TENM2: variants seen among roughly 807,000 people sequenced by gnomAD.
TENM2 encodes the protein teneurin-2.
Under a neutral mutation model 245.2 loss-of-function variants are expected in TENM2, and 52 were observed. That is an observed-to-expected ratio of 0.21 (90% CI 0.17 to 0.27). The LOEUF (loss-of-function observed/expected upper bound fraction) is 0.27, where lower values mean the gene tolerates loss of function less well. Among genes scored for constraint, TENM2 ranks in the 10% least tolerant of loss-of-function variants. The pLI is 1.00. For missense variants in TENM2, 3,046 were observed against 3,666.8 expected, an observed-to-expected ratio of 0.83 and a Z score of 4.37; for synonymous variants, 1,363 against 1,438.9, an observed-to-expected ratio of 0.95 and a Z score of 1.19.
chr5:167,602,577 G>A (rs1165543601), intron 2 of TENM2, among the ~76,000 whole-genome samples: 1 of 152,182 alleles, frequency 6.6e-6, no homozygotes, highest in Non-Finnish European at 1.5e-5. Context: ...GACTATTTTA[G>A]AAGACTTGCT....
chr5:167,457,287 A>T (rs1765982420), intron 2 of TENM2, among the ~76,000 whole-genome samples: 2 of 11,480 alleles, frequency 1.7e-4, no homozygotes, highest in African/African-American at 7.4e-4. Flanking sequence ...CCTGCTTTTT[A>T]TTTTATTTTA....
chr5:167,657,267 A>G (rs943855715), intron 2 of TENM2, among the ~76,000 whole-genome samples: 1 of 152,204 alleles, frequency 6.6e-6, no homozygotes, highest in African/African-American at 2.4e-5. Context: ...TTCACTCAAG[A>G]TAATATCCTT....
At chr5:167,153,531 C>T in the TENM2 span, among the ~76,000 whole-genome samples, 5 of 151,826 alleles carry the variant, frequency 3.3e-5, no homozygotes, top group Admixed American at 1.3e-4. Flanking sequence ...AGGGGAGACA[C>T]GAGAGGGCAG....
chr5:167,234,442 C>T, the TENM2 span, among the ~76,000 whole-genome samples: 3 of 152,112 alleles, frequency 2.0e-5, no homozygotes, highest in Non-Finnish European at 4.4e-5. Context: ...ATTAAATGGC[C>T]AGACTATGCT....
chr5:167,557,614 C>T (rs991038743), intron 2 of TENM2, among the ~76,000 whole-genome samples: 1 of 152,146 alleles, frequency 6.6e-6, no homozygotes, highest in African/African-American at 2.4e-5. Context: ...ATAATATGAG[C>T]CCGATCCTAG....
At chr5:167,766,800 A>G (rs1020980862) in intron 2 of TENM2, among the ~76,000 whole-genome samples, 2 of 152,094 alleles carry the variant, frequency 1.3e-5, no homozygotes, top group African/African-American at 4.8e-5. Context: ...AATCGGTTGA[A>G]CCTGGGAGGC....
At chr5:167,047,499 G>A in the TENM2 span, among the ~76,000 whole-genome samples, 1 of 88,554 alleles carries the variant, frequency 1.1e-5, no homozygotes, top group Non-Finnish European at 3.8e-5. Context: ...GTGAGAATTA[G>A]AAAGAAAGTT....
intron 2 of TENM2, among the ~76,000 whole-genome samples, chr5:167,608,917 C>T (rs1740109891): frequency 6.6e-6 from 1 of 152,068 alleles, no homozygotes; most frequent in African/African-American, 2.4e-5. Flanking sequence ...GCTGTCATTT[C>T]CTTGTGGCCA....
At chr5:167,002,342 T>G in the TENM2 span, among the ~76,000 whole-genome samples, 1 of 152,308 alleles carries the variant, frequency 6.6e-6, no homozygotes, top group Non-Finnish European at 1.5e-5. Flanking sequence ...TATTTAAAAG[T>G]TTCATCTTGG....
At chr5:167,128,002 G>T in the TENM2 span, among the ~76,000 whole-genome samples, 1 of 152,102 alleles carries the variant, frequency 6.6e-6, no homozygotes, top group Non-Finnish European at 1.5e-5. Flanking sequence ...TCTATAGAAG[G>T]TATTTCAGCA....
intron 2 of TENM2, among the ~76,000 whole-genome samples, chr5:167,456,064 T>C (rs1765904147): frequency 6.6e-6 from 1 of 152,204 alleles, no homozygotes; most frequent in Admixed American, 6.5e-5. Flanking sequence ...CTCTAAATTT[T>C]AGAGACAACG....
chr5:167,992,797 G>A, intron 4 of TENM2, 147 bp from the exon 7 acceptor site: 1 of 623,926 alleles, frequency 1.6e-6, no homozygotes, highest in African/African-American at 1.8e-5. Context: ...ATCATCGAAT[G>A]TAATGTTCGC....
chr5:167,071,166 T>G, the TENM2 span, among the ~76,000 whole-genome samples: 1 of 152,184 alleles, frequency 6.6e-6, no homozygotes, highest in Non-Finnish European at 1.5e-5. Context: ...ATAAAGGTAA[T>G]TTTTTAAAAA....
intron 2 of TENM2, among the ~76,000 whole-genome samples, chr5:167,797,893 A>G (rs532391673): frequency 6.6e-6 from 1 of 152,336 alleles, no homozygotes; most frequent in South Asian, 2.1e-4. Context: ...GAAAACATGG[A>G]TCTAACACAA....
At chr5:167,419,795 G>C (rs1763384246) in intron 2 of TENM2, among the ~76,000 whole-genome samples, 1 of 152,120 alleles carries the variant, frequency 6.6e-6, no homozygotes, top group Admixed American at 6.5e-5. Flanking sequence ...ATGAAGTTAA[G>C]ATTATCCGAA....
chr5:168,160,385 T>C (rs1351176840), intron 12 of TENM2, among the ~76,000 whole-genome samples: 3 of 152,222 alleles, frequency 2.0e-5, no homozygotes, highest in Admixed American at 2.0e-4. Flanking sequence ...GAATCTGGGC[T>C]TTGTGAGGAG....
intron 7 of TENM2, among the ~76,000 whole-genome samples, chr5:168,082,143 T>G (rs1286493899): frequency 2.6e-5 from 4 of 152,220 alleles, no homozygotes; most frequent in Non-Finnish European, 5.9e-5. Context: ...TTTACTCTTT[T>G]TTCTCTAAAC....
At chr5:168,183,189 T>C (rs1430096582) in intron 13 of TENM2, among the ~76,000 whole-genome samples, 1 of 152,092 alleles carries the variant, frequency 6.6e-6, no homozygotes, top group Non-Finnish European at 1.5e-5. Context: ...GTAGGGTCAA[T>C]AAGATGCCCC....
In TENM2 at chr5:168,257,162, G is replaced by C. The variant is rs115396228; in HGVS notation, c.7433-3121G>C. Among the ~76,000 whole-genome samples, 1,409 of 152,248 alleles carry C rather than the reference G, an allele frequency of 9.3e-3. 23 individuals carry two copies. The highest frequency in any genetic ancestry group is 0.032 in the African/African-American group (1,346 of 41,522). On this transcript the variant is annotated intron_variant, in intron 27 of 28. Coordinates refer to ENST00000518659, the Ensembl canonical transcript of TENM2. ...GCTTGCCTTCACCAGGCAAGCTGGA[G>C]TGAAAGAGACCATAAATACAATAAA...
Sources: allele counts gnomAD v4.1 joint callset (sites outside exome capture counted in the v4.1 genomes callset), GRCh38; gene constraint gnomAD v4.1.1; transcripts MANE v1.5; gene names NCBI Gene and HGNC (gene_info 2026-07-23, HGNC 2026-07-21).